The following GPBP1L1 variants were observed in gnomAD, a reference collection of about 807,000 sequenced individuals.
The protein encoded by GPBP1L1 is vasculin-like protein 1.
In GPBP1L1, 23 loss-of-function variants were observed where a neutral mutation model predicts 52.5. The ratio of observed to expected loss-of-function variants is 0.44; its 90% CI spans 0.32 to 0.62. GPBP1L1 has a LOEUF of 0.62. Among genes scored for constraint, GPBP1L1 ranks in the 20% least tolerant of loss-of-function variants. GPBP1L1 has a pLI of 0.06. For synonymous variants in GPBP1L1, 243 were observed against 203.1 expected (o/e 1.20, Z -1.67); for missense variants, 596 against 579.3 (o/e 1.03, Z -0.30).
intron 4 of GPBP1L1, among the ~76,000 whole-genome samples, chr1:45,656,447 G>T (rs1234591475): frequency 2.0e-5 from 3 of 152,072 alleles, no homozygotes; most frequent in African/African-American, 4.8e-5. Flanking sequence ...TGGGTAAAAA[G>T]ATTTTCTCCT....
At chr1:45,662,584 T>C (rs773212491) in intron 2 of GPBP1L1, among the ~76,000 whole-genome samples, 4 of 152,148 alleles carry the variant, frequency 2.6e-5, no homozygotes, top group East Asian at 1.9e-4. Flanking sequence ...AATAAGTTCA[T>C]AGGAATAAGA....
chr1:45,652,228 A>T (rs1306525702), intron 6 of GPBP1L1, among the ~76,000 whole-genome samples: 2 of 152,236 alleles, frequency 1.3e-5, no homozygotes. Flanking sequence ...CCCCTAGTTG[A>T]GAACCACTAA....
chr1:45,679,010 G>A (rs1184086104), intron 2 of GPBP1L1, among the ~76,000 whole-genome samples: 13 of 152,136 alleles, frequency 8.5e-5, no homozygotes, highest in Non-Finnish European at 2.9e-5. Flanking sequence ...CTTTATTTTT[G>A]CATATCTATA....
chr1:45,654,633 C>G lies in GPBP1L1; in HGVS notation c.387G>C (p.Gly129=), dbSNP rs764837180. The change falls in exon 6 of 13, where the codon GGG becomes GGC. Residue 129 remains glycine, a synonymous_variant. Coordinates refer to ENST00000355105, the MANE Select transcript of GPBP1L1 (RefSeq NM_021639.5). ...HWNGSFHSRK[G]CAFQEKPPME... ...TAGGTGGCTTTTCCTGAAAAGCACA[C>G]CCTTTCCGGGAGTGGAAGCTGCCAT... 1.2e-6 allele frequency: 2 copies of G among 1,614,192 alleles called. No homozygotes were observed. Among genetic ancestry groups the G allele is most frequent in the Non-Finnish European group, 1.7e-6 (2 of 1,180,026 alleles).
intron 2 of GPBP1L1, among the ~76,000 whole-genome samples, chr1:45,675,314 T>A (rs146090769): frequency 1.2e-4 from 18 of 151,644 alleles, no homozygotes; most frequent in African/African-American, 9.7e-5. Flanking sequence ...TAAAAATAAA[T>A]AAATAAAAAT....
At chr1:45,648,516 A>T (rs2148457636) in intron 6 of GPBP1L1, among the ~76,000 whole-genome samples, 1 of 152,280 alleles carries the variant, frequency 6.6e-6, no homozygotes, top group Middle Eastern at 3.4e-3. Flanking sequence ...TGGCTCTGTT[A>T]GCATTCTTTA....
chr1:45,657,383 A>G (rs1447661124), intron 4 of GPBP1L1, among the ~76,000 whole-genome samples: 2 of 152,090 alleles, frequency 1.3e-5, no homozygotes, highest in Non-Finnish European at 2.9e-5. Context: ...AAAACTACAA[A>G]AAATTAGCTG....
chr1:45,655,201 C>T lies in GPBP1L1; in HGVS notation c.179G>A (p.Arg60Gln), dbSNP rs746480632. 16 of 1,613,902 alleles carry T rather than the reference C, an allele frequency of 9.9e-6. No homozygotes were observed. In the East Asian group the frequency reaches 2.2e-4, roughly 22 times the overall value. The change falls in exon 5 of 13, where the codon CGA becomes CAA. Residue 60 changes from arginine (R) to glutamine (Q), a missense_variant. Coordinates refer to ENST00000355105, the MANE Select transcript of GPBP1L1 (RefSeq NM_021639.5). ...SDGFFNNGPL[R>Q]TAGDSWHQPS... is the part of the protein sequence containing the mutation. The stretch of plus-strand genomic sequence containing the variant: ...TGGACATGGCTCACCTCCTGCAGTT[C>T]GTAGGGGACCATTGTTAAAAAAACC...
At chr1:45,685,225 T>TA (rs966669719) in intron 2 of GPBP1L1, among the ~76,000 whole-genome samples, 2 of 152,148 alleles carry the variant, frequency 1.3e-5, no homozygotes, top group Non-Finnish European at 2.9e-5. Context: ...AAATATTGGA[T>TA]AAAAAAGACC....
At chr1:45,649,056 G>C (rs1229089127) in intron 6 of GPBP1L1, among the ~76,000 whole-genome samples, 1 of 152,114 alleles carries the variant, frequency 6.6e-6, no homozygotes, top group Non-Finnish European at 1.5e-5. Context: ...GGAAACAAAA[G>C]TTTTCACTGC....
rs1644478275 is a variant in GPBP1L1 at position 45,628,007 on chromosome 1, T to C, written c.*249A>G. 3 of 329,144 alleles carry C rather than the reference T, an allele frequency of 9.1e-6. No homozygotes were observed. Among genetic ancestry groups the C allele is most frequent in the Non-Finnish European group, 1.7e-5 (3 of 174,370 alleles). The allele number at this position is 329,144 out of a possible 1,614,324, so 20.4% of individuals were successfully genotyped here. A position where few individuals can be genotyped will look rare whatever the true frequency, so the allele number is the denominator to read the frequency against. On this transcript the variant is annotated 3_prime_UTR_variant, in exon 13 of 13. Coordinates refer to ENST00000355105, the MANE Select transcript of GPBP1L1 (RefSeq NM_021639.5). ...TCGCCCCATATATACTGGGTGTGTATGTGTGTGTGTGTGTGAGTGTGTTTA... is the reference window on the plus strand; with the variant it reads ...TCGCCCCATATATACTGGGTGTGTACGTGTGTGTGTGTGTGAGTGTGTTTA...
intron 8 of GPBP1L1, among the ~76,000 whole-genome samples, chr1:45,639,574 T>TAA (rs60435928): frequency 0.25 from 33,067 of 129,852 alleles, 4,141 homozygotes; most frequent in Middle Eastern, 0.33. Flanking sequence ...AAAAAATAAT[T>TAA]AAAAAAAAAA....
chr1:45,673,347 T>C (rs1645097554), intron 2 of GPBP1L1, among the ~76,000 whole-genome samples: 1 of 152,156 alleles, frequency 6.6e-6, no homozygotes, highest in African/African-American at 2.4e-5. Context: ...AGCGTGAAAC[T>C]GAAGAATGAA....
intron 6 of GPBP1L1, chr1:45,646,097 A>G (rs1316594340): frequency 3.3e-5 from 15 of 452,056 alleles, no homozygotes; most frequent in Non-Finnish European, 5.1e-5. Flanking sequence ...GAAGTTGGAC[A>G]ATGACTTTGG....
At chr1:45,648,684 T>C (rs1241374504) in intron 6 of GPBP1L1, among the ~76,000 whole-genome samples, 3 of 152,246 alleles carry the variant, frequency 2.0e-5, no homozygotes, top group Non-Finnish European at 4.4e-5. Flanking sequence ...CTGTAGATTT[T>C]GTTGGTTCCT....
chr1:45,644,008 A>G (rs776812766), intron 6 of GPBP1L1, among the ~76,000 whole-genome samples: 2 of 152,134 alleles, frequency 1.3e-5, no homozygotes, highest in East Asian at 3.9e-4. Flanking sequence ...AACATTATAC[A>G]AACAACAAAA....
chr1:45,686,940 T>A (rs751626387), upstream of GPBP1L1: 1 of 152,394 alleles, frequency 6.6e-6, no homozygotes, highest in Non-Finnish European at 1.5e-5. Flanking sequence ...GTATCCCTTT[T>A]TTCTTCACCC....
At chr1:45,633,031 A>G (rs1644550050) in intron 10 of GPBP1L1, among the ~76,000 whole-genome samples, 1 of 152,232 alleles carries the variant, frequency 6.6e-6, no homozygotes, top group Admixed American at 6.5e-5. Flanking sequence ...GAGGAGGTGT[A>G]GCAACAGAAA....
chr1:45,661,984 G>C (rs1361226121), intron 2 of GPBP1L1, among the ~76,000 whole-genome samples: 2 of 152,112 alleles, frequency 1.3e-5, no homozygotes, highest in African/African-American at 4.8e-5. Context: ...GGATCCTTGA[G>C]ATATCTGTCA....
Sources: allele counts gnomAD v4.1 joint callset (sites outside exome capture counted in the v4.1 genomes callset), GRCh38; gene constraint gnomAD v4.1.1; transcripts MANE v1.5; gene names NCBI Gene and HGNC (gene_info 2026-07-23, HGNC 2026-07-21).